The following INPP5A variants were observed in gnomAD, a reference collection of about 807,000 sequenced individuals.
The protein encoded by INPP5A is inositol polyphosphate-5-phosphatase A.
INPP5A carries 14 observed loss-of-function variants against 65.2 expected under a neutral mutation model. The ratio of observed to expected loss-of-function variants is 0.21; its 90% confidence interval spans 0.14 to 0.34. The LOEUF (loss-of-function observed/expected upper bound fraction) is 0.34. INPP5A is among the 10% of genes least tolerant of loss of function. INPP5A has a pLI of 1.00. For synonymous variants in INPP5A, 207 were observed against 208.3 expected (o/e 0.99, Z 0.05); for missense variants, 431 against 545.6 (o/e 0.79, Z 2.09).
intron 13 of INPP5A, 192 bp downstream of exon 13, chr10:132,777,974 T>G (rs1040224350): frequency 2.1e-6 from 3 of 1,404,294 alleles, no homozygotes; most frequent in Non-Finnish European, 2.8e-6. Context: ...GCACCTGGGC[T>G]GGGGCAGCAG....
chr10:132,738,222 G>A, intron 9 of INPP5A, among the ~76,000 whole-genome samples: 1 of 152,208 alleles, frequency 6.6e-6, no homozygotes, highest in East Asian at 1.9e-4. Context: ...GGGAAAGGTA[G>A]GGCACAGAGC....
At chr10:132,609,693 G>A (rs913172387) in intron 2 of INPP5A, among the ~76,000 whole-genome samples, 1 of 152,222 alleles carries the variant, frequency 6.6e-6, no homozygotes, top group Non-Finnish European at 1.5e-5. Flanking sequence ...CACCCAGACT[G>A]GAGTGCAGTG....
rs1389451002 is a variant in INPP5A, at chr10:132,555,506, C to T, written c.75+17335C>T. Among the ~76,000 whole-genome samples the T allele has an allele frequency of 6.6e-6, 1 of 152,046 alleles. No homozygotes were observed. The highest frequency in any genetic ancestry group is 1.5e-5 in the Non-Finnish European group (1 of 68,012). ...TGAAGTGACTCAGGGGACCTGGCGC[C>T]GTTGGTGTGTGCTCACAAAGTGCAC... On this transcript the variant is annotated intron_variant, in intron 1 of 15. Transcript: ENST00000368594. This position sits in a 1 kb window ranked among gnomAD's most constrained non-coding sequence, Gnocchi z 4.4.
At chr10:132,625,419 G>T (rs2072170002) in intron 2 of INPP5A, among the ~76,000 whole-genome samples, 1 of 152,104 alleles carries the variant, frequency 6.6e-6, no homozygotes, top group African/African-American at 2.4e-5. Context: ...TTCATGTCTT[G>T]GTTTGAGGTC....
At chr10:132,740,372 C>T (rs1846252145) in intron 9 of INPP5A, among the ~76,000 whole-genome samples, 1 of 152,142 alleles carries the variant, frequency 6.6e-6, no homozygotes, top group African/African-American at 2.4e-5. Flanking sequence ...GCGGTGGGAG[C>T]CTCTTAGTGA....
chr10:132,581,979 A>C (rs887146562), intron 1 of INPP5A, among the ~76,000 whole-genome samples: 2 of 152,034 alleles, frequency 1.3e-5, no homozygotes, highest in African/African-American at 2.4e-5. Flanking sequence ...CTGGGACTAC[A>C]GGTGCCTGTC....
intron 9 of INPP5A, among the ~76,000 whole-genome samples, chr10:132,746,246 C>T (rs1846370087): frequency 6.6e-6 from 1 of 152,260 alleles, no homozygotes. Context: ...GAGTACAGAA[C>T]AACTTTTTGT....
rs142128035 is a variant in INPP5A, at chr10:132,677,716, G to A, written c.307-12676G>A. ...TCGTGGCCAGCGAGGGCGATTAAGCGGCTGGTATGTGGCGTGTTTACCCTC... is the reference window on the plus strand; with the variant it reads ...TCGTGGCCAGCGAGGGCGATTAAGCAGCTGGTATGTGGCGTGTTTACCCTC... On this transcript the variant is annotated intron_variant, in intron 4 of 15. Transcript: ENST00000368594. 4.4e-3 allele frequency among the ~76,000 whole-genome samples: 668 copies of A among 152,314 alleles called. 3 individuals carry two copies. Among genetic ancestry groups the A allele is most frequent in the South Asian group, 0.016 (77 of 4,830 alleles).
chr10:132,763,452 T>G (rs539378427), intron 11 of INPP5A, among the ~76,000 whole-genome samples: 1 of 152,294 alleles, frequency 6.6e-6, no homozygotes, highest in Non-Finnish European at 1.5e-5. Flanking sequence ...TGCGTGTTTA[T>G]AGGCCTGTGT....
At chr10:132,591,410 C>G (rs1485750281) in intron 1 of INPP5A, among the ~76,000 whole-genome samples, 1 of 152,202 alleles carries the variant, frequency 6.6e-6, no homozygotes, top group Non-Finnish European at 1.5e-5. Flanking sequence ...TTTCTGCGCT[C>G]GCTTGGAGAG....
rs2072206472 is a variant in INPP5A at position 132,627,729 on chromosome 10, G to A, written c.118-18139G>A. Among the ~76,000 whole-genome samples the A allele has an allele frequency of 1.3e-5, 2 of 152,160 alleles. No individual in the cohort carries two copies. Among genetic ancestry groups the A allele is most frequent in the African/African-American group, 4.8e-5 (2 of 41,426 alleles). On this transcript the variant is annotated intron_variant, in intron 2 of 15. Transcript: ENST00000368594. The surrounding 1 kb of genome is among the most constrained non-coding windows in gnomAD (Gnocchi z 6.6). The stretch of plus-strand genomic sequence containing the variant: ...GAGAGGCGAGACAGGGGATGCAGAC[G>A]GGTAGATGCCACAGGGCCTCCTCTT...
intron 1 of INPP5A, among the ~76,000 whole-genome samples, chr10:132,594,649 A>T (rs898718361): frequency 6.6e-6 from 1 of 150,960 alleles, no homozygotes; most frequent in African/African-American, 2.4e-5. Flanking sequence ...TGGTGCATGC[A>T]TGTGTGTGGG....
At chr10:132,652,307 A>G (rs894003016) in intron 4 of INPP5A, among the ~76,000 whole-genome samples, 2 of 152,254 alleles carry the variant, frequency 1.3e-5, no homozygotes, top group Admixed American at 1.3e-4. Flanking sequence ...AAGGACTGAA[A>G]AGTGGATAGA....
At position 132,781,330 on chromosome 10, in the gene INPP5A, G is replaced by A. The variant is rs557423686; in HGVS notation, c.1158+413G>A. Among the ~76,000 whole-genome samples, 9 of 152,360 alleles carry A rather than the reference G, an allele frequency of 5.9e-5. No homozygotes were observed. In the South Asian group the frequency reaches 8.3e-4, roughly 14 times the overall value. ...AGCCGGGGTGAGGGCGCTCCCCACCGTGTGCCAAGGGGCAGCACTGGCACA... is the reference window on the plus strand; with the variant it reads ...AGCCGGGGTGAGGGCGCTCCCCACCATGTGCCAAGGGGCAGCACTGGCACA... On this transcript the variant is annotated intron_variant, in intron 14 of 15. Transcript: ENST00000368594.
At chr10:132,648,003 A>AAAGGCACTCAAAATG (rs2072521808) in intron 3 of INPP5A, among the ~76,000 whole-genome samples, 1 of 152,236 alleles carries the variant, frequency 6.6e-6, no homozygotes, top group Non-Finnish European at 1.5e-5. Context: ...TTGCTTATGA[A>AAAGGCACTCAAAATG]AAGGCACTCA....
intron 8 of INPP5A, among the ~76,000 whole-genome samples, chr10:132,712,804 G>A (rs1296112527): frequency 6.6e-6 from 1 of 151,878 alleles, no homozygotes; most frequent in African/African-American, 2.4e-5. Flanking sequence ...ACTGATGCAT[G>A]TGTGCATGTG....
intron 6 of INPP5A, 91 bp from the exon 7 acceptor site, chr10:132,708,217 TGGAAA>T: frequency 9.1e-7 from 1 of 1,100,388 alleles, no homozygotes; most frequent in Admixed American, 1.9e-5. Context: ...GTTTTTTGTT[TGGAAA>T]GCATCTCCTG....
In INPP5A at chr10:132,670,936, C is replaced by T. The variant is rs141596193; in HGVS notation, c.307-19456C>T. Reference sequence around the variant, plus strand: ...GTGGAGAAACTGCAAACGGCGGTGACGGCTTGACGGGCGTCACTTTTCCTT... The same window carrying T: ...GTGGAGAAACTGCAAACGGCGGTGATGGCTTGACGGGCGTCACTTTTCCTT... On this transcript the variant is annotated intron_variant, in intron 4 of 15. Coordinates refer to ENST00000368594, the MANE Select transcript of INPP5A (RefSeq NM_005539.5). 5.3e-3 allele frequency among the ~76,000 whole-genome samples: 788 copies of T among 149,328 alleles called. 5 individuals carry two copies. The highest frequency in any genetic ancestry group is 0.018 in the African/African-American group (744 of 40,394).
rs200317542 is a variant in INPP5A at position 132,765,724 on chromosome 10, A to C, written c.904-49A>C. The C allele has an allele frequency of 2.4e-5, 28 of 1,143,918 alleles. 1 individual carries two copies. The highest frequency in any genetic ancestry group is 3.7e-5 in the Non-Finnish European group (28 of 750,382). The allele number at this position is 1,143,918 out of a possible 1,614,324, so 70.9% of individuals were successfully genotyped here. ...GCTGCACACAGACACACGTGCCCCCAGCGAGGAAAACCAATGTGACTTTAT... is the reference window on the plus strand; with the variant it reads ...GCTGCACACAGACACACGTGCCCCCCGCGAGGAAAACCAATGTGACTTTAT... On this transcript the variant is annotated intron_variant, in intron 11 of 15. Coordinates refer to ENST00000368594, the MANE Select transcript of INPP5A (RefSeq NM_005539.5).
Sources: allele counts gnomAD v4.1 joint callset (sites outside exome capture counted in the v4.1 genomes callset), GRCh38; gene constraint gnomAD v4.1.1; non-coding constraint Gnocchi (gnomAD v3.1); transcripts MANE v1.5; gene names NCBI Gene and HGNC (gene_info 2026-07-23, HGNC 2026-07-21).